The following RAD51B variants were observed in gnomAD, a reference collection of about 807,000 sequenced individuals.
RAD51B encodes the protein RAD51 paralog B.
Under a neutral mutation model 42.2 loss-of-function variants are expected in RAD51B, and 38 were observed. The observed-to-expected ratio is 0.90, with a 90% confidence interval of 0.70 to 1.18. The LOEUF is 1.18. RAD51B is among the 50% of genes most tolerant of loss of function. The probability of loss-of-function intolerance (pLI) is 0.00; values close to 1 mark genes in which losing one functional copy is unlikely to be tolerated. For synonymous variants in RAD51B, 154 were observed against 145.2 expected, an observed-to-expected ratio of 1.06 and a Z score of -0.43; for missense variants, 373 against 400.7, an observed-to-expected ratio of 0.93 and a Z score of 0.59.
intron 8 of RAD51B, among the ~76,000 whole-genome samples, chr14:68,293,960 G>A (rs2081564642): frequency 6.6e-6 from 1 of 152,156 alleles, no homozygotes; most frequent in Non-Finnish European, 1.5e-5. Context: ...CAGTGACCAT[G>A]AGAATCATAT....
chr14:68,154,016 A>G (rs2078447176), intron 7 of RAD51B, among the ~76,000 whole-genome samples: 2 of 152,222 alleles, frequency 1.3e-5, no homozygotes, highest in Non-Finnish European at 2.9e-5. Context: ...TTTTAACTAT[A>G]CAAAGCACCT....
chr14:67,824,623 G>A (rs760554064), intron 2 of RAD51B, among the ~76,000 whole-genome samples: 6 of 151,856 alleles, frequency 4.0e-5, no homozygotes, highest in Non-Finnish European at 7.4e-5. Flanking sequence ...ATTGCTTTCT[G>A]TGTTAAAGAT....
At chr14:67,966,639 G>T (rs754657254) in intron 7 of RAD51B, among the ~76,000 whole-genome samples, 51 of 152,140 alleles carry the variant, frequency 3.4e-4, no homozygotes, top group African/African-American at 1.1e-3. Context: ...TTGACTTAGA[G>T]ATACATGTTG....
chr14:68,345,614 C>G (rs2082661978), intron 8 of RAD51B, among the ~76,000 whole-genome samples: 1 of 152,002 alleles, frequency 6.6e-6, no homozygotes, highest in Non-Finnish European at 1.5e-5. Flanking sequence ...TCTGTAGAGC[C>G]TGCAGAGCTG....
chr14:68,496,647 T>G (rs892049733), intron 10 of RAD51B, among the ~76,000 whole-genome samples: 1 of 152,268 alleles, frequency 6.6e-6, no homozygotes, highest in Non-Finnish European at 1.5e-5. Context: ...CTCCATCCAG[T>G]GGCCTGGCCT....
chr14:68,210,445 T>C (rs2079683022), intron 7 of RAD51B, among the ~76,000 whole-genome samples: 1 of 152,114 alleles, frequency 6.6e-6, no homozygotes, highest in South Asian at 2.1e-4. Flanking sequence ...TTCTTGTACA[T>C]GTGGGTTTGA....
chr14:68,597,407 C>T (rs1891045254), downstream of RAD51B, among the ~76,000 whole-genome samples: 1 of 152,066 alleles, frequency 6.6e-6, no homozygotes, highest in Non-Finnish European at 1.5e-5. Context: ...AATGAGACTC[C>T]CACCCTACTC....
chr14:67,848,688 T>C (rs564731457), intron 4 of RAD51B, among the ~76,000 whole-genome samples: 15 of 152,322 alleles, frequency 9.8e-5, no homozygotes, highest in African/African-American at 3.6e-4. Context: ...CTGTGGGCTA[T>C]GTACTTAAGT....
chr14:68,235,797 A>C (rs961776721), intron 7 of RAD51B, among the ~76,000 whole-genome samples: 2 of 151,854 alleles, frequency 1.3e-5, no homozygotes, highest in Non-Finnish European at 2.9e-5. Flanking sequence ...AAAGATAAGG[A>C]ATCAACCTAA....
At chr14:68,290,899 C>G (rs2081503371) in intron 7 of RAD51B, among the ~76,000 whole-genome samples, 2 of 151,920 alleles carry the variant, frequency 1.3e-5, no homozygotes, top group Admixed American at 1.3e-4. Flanking sequence ...CTCGGCCTGC[C>G]GGGTTCAAGC....
At chr14:68,427,072 T>C (rs563955740) in intron 9 of RAD51B, among the ~76,000 whole-genome samples, 22 of 152,378 alleles carry the variant, frequency 1.4e-4, no homozygotes, top group Admixed American at 5.2e-4. Flanking sequence ...GTGCTAATTC[T>C]GCAGGCATGC....
intron 7 of RAD51B, among the ~76,000 whole-genome samples, chr14:68,097,706 A>G (rs1261423892): frequency 3.3e-5 from 5 of 152,220 alleles, no homozygotes; most frequent in Non-Finnish European, 5.9e-5. Flanking sequence ...TGTCTAGACC[A>G]CTGGAAAAAC....
chr14:68,269,498 G>A (rs2081062305), intron 7 of RAD51B, among the ~76,000 whole-genome samples: 1 of 152,140 alleles, frequency 6.6e-6, no homozygotes, highest in Admixed American at 6.5e-5. Context: ...CTGTGCTACC[G>A]CAGGATCGTC....
At chr14:67,901,609 A>G (rs2043615097) in intron 7 of RAD51B, among the ~76,000 whole-genome samples, 1 of 152,246 alleles carries the variant, frequency 6.6e-6, no homozygotes, top group Admixed American at 6.5e-5. Flanking sequence ...CTGAGACAGC[A>G]TGACGCAGTA....
chr14:67,920,862 T>C (rs2044300951), intron 7 of RAD51B, among the ~76,000 whole-genome samples: 1 of 152,122 alleles, frequency 6.6e-6, no homozygotes, highest in Non-Finnish European at 1.5e-5. Flanking sequence ...ATAGATGATA[T>C]TTACCAATGA....
At chr14:68,180,273 T>C (rs1031093910) in intron 7 of RAD51B, among the ~76,000 whole-genome samples, 1 of 152,150 alleles carries the variant, frequency 6.6e-6, no homozygotes, top group Admixed American at 6.6e-5. Flanking sequence ...ATCTTTACTT[T>C]GCCTTCATCT....
intron 7 of RAD51B, among the ~76,000 whole-genome samples, chr14:67,927,969 G>T (rs2044586409): frequency 6.6e-6 from 1 of 151,674 alleles, no homozygotes; most frequent in African/African-American, 2.4e-5. Context: ...TATTTTTTTT[G>T]TTGTAGCTTT....
intron 10 of RAD51B, among the ~76,000 whole-genome samples, chr14:68,518,657 G>A (rs1886349251): frequency 6.8e-6 from 1 of 147,370 alleles, no homozygotes; most frequent in South Asian, 2.1e-4. Context: ...AATGTGACTT[G>A]ACCAGAAAGC....
chr14:68,621,549 A>C (rs1233377625), intron 10 of RAD51B, among the ~76,000 whole-genome samples: 1 of 152,208 alleles, frequency 6.6e-6, no homozygotes, highest in Non-Finnish European at 1.5e-5. Flanking sequence ...TGGCTCCTGG[A>C]TCCTCCATGA....
Sources: gnomAD v4.1 joint callset for allele counts (sites outside exome capture counted in the v4.1 genomes callset) on GRCh38, gnomAD v4.1.1 for gene constraint, MANE v1.5 for transcripts, NCBI Gene and HGNC (gene_info 2026-07-23, HGNC 2026-07-21) for gene names.